Variants in COL26A1 observed in about 807,000 individuals in gnomAD.
The protein encoded by COL26A1 is collagen alpha-1(XXVI) chain.
A neutral mutation model predicts 59.3 loss-of-function variants in COL26A1; 41 were observed. The ratio of observed to expected loss-of-function variants is 0.69; its 90% CI spans 0.54 to 0.90. The LOEUF is 0.90. COL26A1 is among the 40% of genes least tolerant of loss of function. COL26A1 has a pLI of 0.00. For missense variants in COL26A1, 612 were observed against 602.3 expected (o/e 1.02, Z -0.17); for synonymous variants, 266 against 256.0 (o/e 1.04, Z -0.37).
At chr7:101,377,074 G>A (rs886979608) in intron 1 of COL26A1, among the ~76,000 whole-genome samples, 2 of 152,162 alleles carry the variant, frequency 1.3e-5, no homozygotes, top group African/African-American at 4.8e-5. Flanking sequence ...TGCCAGGCTG[G>A]TCTCAAACTC....
chr7:101,437,901 G>A, intron 2 of COL26A1, among the ~76,000 whole-genome samples: 1 of 151,864 alleles, frequency 6.6e-6, no homozygotes, highest in Non-Finnish European at 1.5e-5. Context: ...TGGTAGAAAT[G>A]GGGGTCTTGC....
At chr7:101,518,542 C>T (rs1000367599) in intron 3 of COL26A1, among the ~76,000 whole-genome samples, 14 of 152,246 alleles carry the variant, frequency 9.2e-5, no homozygotes, top group African/African-American at 3.1e-4. Flanking sequence ...TTGGTGTCAT[C>T]TTTCAGGCCC....
chr7:101,399,082 A>G (rs1791931193), intron 1 of COL26A1, among the ~76,000 whole-genome samples: 1 of 151,936 alleles, frequency 6.6e-6, no homozygotes, highest in Non-Finnish European at 1.5e-5. Flanking sequence ...AGGGAGGAGG[A>G]TTGCTTGAGC....
intron 1 of COL26A1, among the ~76,000 whole-genome samples, chr7:101,409,619 A>G (rs1425667710): frequency 6.6e-6 from 1 of 152,262 alleles, no homozygotes; most frequent in Non-Finnish European, 1.5e-5. Context: ...CCACCTGATC[A>G]GGGTTCTCAC....
At chr7:101,376,618 G>A (rs73173766) in intron 1 of COL26A1, among the ~76,000 whole-genome samples, 8,580 of 152,164 alleles carry the variant, frequency 0.056, 243 homozygotes, top group Non-Finnish European at 0.065. Context: ...CAGGGGAGCC[G>A]GAGAAAACAG....
At chr7:101,515,406 C>T (rs962131633) in intron 3 of COL26A1, among the ~76,000 whole-genome samples, 17 of 152,002 alleles carry the variant, frequency 1.1e-4, no homozygotes, top group Admixed American at 6.5e-5. Flanking sequence ...GCCTCAGCCT[C>T]CTGAATAGCT....
chr7:101,521,941 A>C (rs1795148565), intron 3 of COL26A1, among the ~76,000 whole-genome samples: 1 of 152,074 alleles, frequency 6.6e-6, no homozygotes, highest in Non-Finnish European at 1.5e-5. Context: ...ACACTGTTGC[A>C]TGTGGTTTGC....
intron 4 of COL26A1, among the ~76,000 whole-genome samples, chr7:101,535,039 T>A (rs1398682149): frequency 1.3e-5 from 2 of 152,204 alleles, no homozygotes; most frequent in East Asian, 3.8e-4. Context: ...TGCAGAGCAA[T>A]GACGGGGAGC....
chr7:101,426,525 A>G (rs144605868), intron 2 of COL26A1, among the ~76,000 whole-genome samples: 183 of 152,226 alleles, frequency 1.2e-3, no homozygotes, highest in African/African-American at 2.8e-3. Context: ...CAGTGTCCCA[A>G]AAAAGAGAGG....
intron 3 of COL26A1, among the ~76,000 whole-genome samples, chr7:101,465,221 A>G (rs1793728577): frequency 6.6e-6 from 1 of 150,840 alleles, no homozygotes; most frequent in Non-Finnish European, 1.5e-5. Context: ...TAAATTTTTC[A>G]CAGAGGTAGG....
At chr7:101,407,102 G>T (rs924853750) in intron 1 of COL26A1, among the ~76,000 whole-genome samples, 1 of 152,144 alleles carries the variant, frequency 6.6e-6, no homozygotes, top group African/African-American at 2.4e-5. Flanking sequence ...CAAGGATGGG[G>T]TATCTACTCC....
chr7:101,388,812 C>T (rs533802713), intron 1 of COL26A1: 2 of 153,280 alleles, frequency 1.3e-5, no homozygotes, highest in Admixed American at 6.5e-5. Context: ...AAGTGATCCT[C>T]CCGCCTCGGC....
intron 5 of COL26A1, among the ~76,000 whole-genome samples, chr7:101,543,586 G>A (rs1197229931): frequency 6.6e-6 from 1 of 152,042 alleles, no homozygotes; most frequent in Non-Finnish European, 1.5e-5. Flanking sequence ...GGACCTCCTG[G>A]GGCCTCCTCG....
At chr7:101,395,098 A>T (rs1264878145) in intron 1 of COL26A1, among the ~76,000 whole-genome samples, 4 of 150,412 alleles carry the variant, frequency 2.7e-5, no homozygotes, top group Non-Finnish European at 4.4e-5. Context: ...GTCTTGAACT[A>T]CTGACCTCAG....
chr7:101,363,053 G>T lies in COL26A1; in HGVS notation c.21G>T (p.Leu7=), dbSNP rs1279327520. MKLALL[L]PWACCCLCGS... ...GCACGATGAAGCTGGCCCTGCTCCTGCCCTGGGCGTGTTGCTGCCTCTGCG... is the reference window on the plus strand; with the variant it reads ...GCACGATGAAGCTGGCCCTGCTCCTTCCCTGGGCGTGTTGCTGCCTCTGCG... The change falls in exon 1 of 13, where the codon CTG becomes CTT. Residue 7 remains leucine (L), a synonymous_variant. Transcript: ENST00000313669. The T allele has an allele frequency of 3.2e-6, 5 of 1,582,090 alleles. No homozygotes were observed. Among genetic ancestry groups the T allele is most frequent in the Admixed American group, 3.4e-5 (2 of 58,560 alleles).
intron 3 of COL26A1, among the ~76,000 whole-genome samples, chr7:101,525,731 C>T (rs1463359130): frequency 2.6e-5 from 4 of 152,076 alleles, no homozygotes; most frequent in Admixed American, 1.3e-4. Flanking sequence ...CTCCTGACCT[C>T]GTGATCCGCC....
At chr7:101,362,796 A>G (rs1261806931), upstream of COL26A1, 16 of 527,886 alleles carry the variant, frequency 3.0e-5, no homozygotes, top group Non-Finnish European at 5.3e-5. Flanking sequence ...GAGGGTTAAC[A>G]AAAAAGCCCC....
At chr7:101,423,588 A>C (rs1792575373) in intron 2 of COL26A1, among the ~76,000 whole-genome samples, 1 of 152,014 alleles carries the variant, frequency 6.6e-6, no homozygotes, top group South Asian at 2.1e-4. Context: ...CAAAAAAATT[A>C]GCTGAGTGTG....
intron 1 of COL26A1, among the ~76,000 whole-genome samples, chr7:101,400,216 A>G (rs1434294277): frequency 6.6e-6 from 1 of 152,064 alleles, no homozygotes; most frequent in Non-Finnish European, 1.5e-5. Context: ...CCAGATGTGG[A>G]GAGAGGCATG....
Sources: gnomAD v4.1 joint callset for allele counts (sites outside exome capture counted in the v4.1 genomes callset) on GRCh38, gnomAD v4.1.1 for gene constraint, MANE v1.5 for transcripts, NCBI Gene and HGNC (gene_info 2026-07-23, HGNC 2026-07-21) for gene names.